Variants in CEMIP observed in about 807,000 individuals in gnomAD.
The protein encoded by CEMIP is cell migration inducing hyaluronidase 1.
A neutral mutation model predicts 156.9 loss-of-function variants in CEMIP; 105 were observed. The ratio of observed to expected loss-of-function variants is 0.67; its 90% confidence interval spans 0.57 to 0.79. The LOEUF (loss-of-function observed/expected upper bound fraction) is 0.79. CEMIP is among the 30% of genes least tolerant of loss of function. The probability of loss-of-function intolerance (pLI) is 0.00; values close to 1 mark genes in which losing one functional copy is unlikely to be tolerated. For missense variants in CEMIP, 1,457 were observed against 1,769.4 expected, an observed-to-expected ratio of 0.82 and a Z score of 3.17; for synonymous variants, 676 against 668.4, an observed-to-expected ratio of 1.01 and a Z score of -0.17.
At chr15:80,842,320 C>T (rs138673554) in intron 1 of CEMIP, among the ~76,000 whole-genome samples, 20 of 152,270 alleles carry the variant, frequency 1.3e-4, no homozygotes, top group Admixed American at 2.6e-4. Context: ...AGGACCTTTA[C>T]TCTGGTCTTC....
At position 80,928,694 on chromosome 15, in the gene CEMIP, T is replaced by G. The variant is rs545914595; in HGVS notation, c.2421-208T>G. On this transcript the variant is annotated intron_variant, in intron 19 of 29. Transcript: ENST00000394685. ...AGGGGTCACTGCTTTCTCTCTAGAG[T>G]CAGAGTGGGAGGGGACCCAGAAAAT... 2.0e-5 allele frequency among the ~76,000 whole-genome samples: 3 copies of G among 152,082 alleles called. No homozygotes were observed. The East Asian group carries it at 5.8e-4, about 30-fold the overall frequency.
chr15:80,826,390 A>T (rs1897038814), intron 1 of CEMIP, among the ~76,000 whole-genome samples: 1 of 152,170 alleles, frequency 6.6e-6, no homozygotes, highest in Admixed American at 6.5e-5. Flanking sequence ...CCTTAGGGTA[A>T]GCAAAGGGCT....
At chr15:80,824,222 A>ATGTT (rs1896977186) in intron 1 of CEMIP, among the ~76,000 whole-genome samples, 1 of 152,042 alleles carries the variant, frequency 6.6e-6, no homozygotes, top group African/African-American at 2.4e-5. Flanking sequence ...GAAGTGAGGG[A>ATGTT]TGTTTGCTTT....
chr15:80,900,585 G>GGGGTGT (rs1218716074), intron 12 of CEMIP, among the ~76,000 whole-genome samples: 42 of 74,982 alleles, frequency 5.6e-4, no homozygotes, highest in South Asian at 1.5e-3. Context: ...CCCAGGTAGG[G>GGGGTGT]GTGTGTGTGT....
At chr15:80,943,448 C>T (rs1294413836) in intron 28 of CEMIP, among the ~76,000 whole-genome samples, 4 of 152,216 alleles carry the variant, frequency 2.6e-5, no homozygotes, top group African/African-American at 4.8e-5. Context: ...ATCTCCAGCC[C>T]GGATCTCCTT....
At chr15:80,814,666 G>A (rs1014919999) in intron 1 of CEMIP, among the ~76,000 whole-genome samples, 1 of 152,156 alleles carries the variant, frequency 6.6e-6, no homozygotes, top group Non-Finnish European at 1.5e-5. Context: ...AGGATAGGTA[G>A]GCTTTGGGCC....
At chr15:80,948,535 G>A in intron 29 of CEMIP, 1 of 521,582 alleles carries the variant, frequency 1.9e-6, no homozygotes, top group Non-Finnish European at 3.5e-6. Flanking sequence ...TTCCTGCTGT[G>A]CATGGCTCCC....
chr15:80,938,984 G>A (rs1901241014), intron 25 of CEMIP, among the ~76,000 whole-genome samples: 1 of 152,146 alleles, frequency 6.6e-6, no homozygotes, highest in Non-Finnish European at 1.5e-5. Flanking sequence ...ATTTGATTAA[G>A]GGAAAATTAA....
chr15:80,948,696 C>A, intron 29 of CEMIP, 101 bp from the exon 30 acceptor site: 1 of 1,510,572 alleles, frequency 6.6e-7, no homozygotes, highest in Non-Finnish European at 9.2e-7. Context: ...TAGGCGGTAC[C>A]TGGTGGGCGT....
intron 14 of CEMIP, among the ~76,000 whole-genome samples, chr15:80,914,254 G>A (rs1900179752): frequency 6.6e-6 from 1 of 152,200 alleles, no homozygotes; most frequent in East Asian, 1.9e-4. Context: ...TTTGTGGAAG[G>A]ACAAAATGAC....
intron 1 of CEMIP, among the ~76,000 whole-genome samples, chr15:80,795,596 C>T (rs7180062): frequency 0.047 from 7,086 of 152,060 alleles, 535 homozygotes; most frequent in African/African-American, 0.16. Context: ...ACACTGGGCA[C>T]GGCCAAGCAA....
intron 1 of CEMIP, among the ~76,000 whole-genome samples, chr15:80,855,908 A>C (rs1243652022): frequency 6.6e-6 from 1 of 152,174 alleles, no homozygotes; most frequent in Non-Finnish European, 1.5e-5. Flanking sequence ...AGAGCATATT[A>C]ATGCAATTGG....
rs763568954 is a variant in CEMIP, at chr15:80,948,931, C to G, written c.*7C>G. 4 of 1,614,224 alleles carry G rather than the reference C, an allele frequency of 2.5e-6. No individual in the cohort carries two copies. The Admixed American group carries it at 6.7e-5, about 27-fold the overall frequency. On this transcript the variant is annotated 3_prime_UTR_variant, in exon 30 of 30. Coordinates refer to ENST00000394685, the MANE Select transcript of CEMIP (RefSeq NM_001293298.2). ...GAAGAAGAAGAAGTTGTGAGGACAG[C>G]TGCCGCCCGGTGCCACCTCGTGGTA...
At position 80,941,888 on chromosome 15, in the gene CEMIP, G is replaced by C. The variant is rs758323418; in HGVS notation, c.3447G>C (p.Glu1149Asp). ...FLKLKAQNER[E>D]KFAFCSMKGC... Reference sequence around the variant, plus strand: ...AGCTGAAAGCTCAGAACGAGAGAGAGAAGTTTGCTTTCTGCTCCATGAAAG... The same window carrying C: ...AGCTGAAAGCTCAGAACGAGAGAGACAAGTTTGCTTTCTGCTCCATGAAAG... Residue 1149 changes from glutamate to aspartate, a missense_variant, in exon 26 of 30, where the codon GAG becomes GAC. Glu to Asp is a conservative substitution (Grantham distance 45). Coordinates refer to ENST00000394685, the MANE Select transcript of CEMIP (RefSeq NM_001293298.2). The C allele has an allele frequency of 6.2e-6, 10 of 1,613,936 alleles. No homozygotes were observed. The East Asian group carries it at 6.7e-5, about 11-fold the overall frequency.
At chr15:80,858,349 CT>C (rs1275768925) in intron 1 of CEMIP, among the ~76,000 whole-genome samples, 1 of 152,178 alleles carries the variant, frequency 6.6e-6, no homozygotes, top group African/African-American at 2.4e-5. Context: ...AATAAGTATT[CT>C]TTTCCGATAA....
chr15:80,936,605 T>C, intron 23 of CEMIP, 69 bp from the exon 24 acceptor site: 1 of 1,373,514 alleles, frequency 7.3e-7, no homozygotes, highest in Non-Finnish European at 1.0e-6. Context: ...AGTCAGATGT[T>C]AGCCAGACGC....
chr15:80,831,445 T>C (rs1897155695), intron 1 of CEMIP, among the ~76,000 whole-genome samples: 1 of 152,058 alleles, frequency 6.6e-6, no homozygotes, highest in Admixed American at 6.5e-5. Context: ...AGTTTCACAG[T>C]GGGCACAGGA....
At chr15:80,848,800 G>T (rs1897628612) in intron 1 of CEMIP, among the ~76,000 whole-genome samples, 1 of 151,730 alleles carries the variant, frequency 6.6e-6, no homozygotes, top group African/African-American at 2.4e-5. Context: ...GGGCTAAATG[G>T]ACCTTGCAGG....
intron 1 of CEMIP, among the ~76,000 whole-genome samples, chr15:80,873,256 A>G (rs967288127): frequency 2.6e-5 from 4 of 152,244 alleles, no homozygotes; most frequent in Non-Finnish European, 5.9e-5. Flanking sequence ...ACAATTAGCT[A>G]TCTTTGCTAC....
Sources: gnomAD v4.1 joint callset for allele counts (sites outside exome capture counted in the v4.1 genomes callset) on GRCh38, gnomAD v4.1.1 for gene constraint, MANE v1.5 for transcripts, NCBI Gene and HGNC (gene_info 2026-07-23, HGNC 2026-07-21) for gene names.